GABRG2: variants seen among roughly 807,000 people sequenced by gnomAD.
The protein encoded by GABRG2 is gamma-aminobutyric acid type A receptor subunit gamma2.
GABRG2 carries 16 observed loss-of-function variants against 56.4 expected under a neutral mutation model. That is an observed-to-expected ratio of 0.28 (90% confidence interval 0.19 to 0.43). GABRG2 has a LOEUF of 0.43. Among genes scored for constraint, GABRG2 ranks in the 20% least tolerant of loss-of-function variants. The probability of loss-of-function intolerance (pLI) is 1.00; values close to 1 mark genes in which losing one functional copy is unlikely to be tolerated. For missense variants in GABRG2, 327 were observed against 582.7 expected (o/e 0.56, Z 4.52); for synonymous variants, 208 against 205.5 (o/e 1.01, Z -0.10).
At chr5:162,130,123 T>A (rs1763630842) in intron 6 of GABRG2, among the ~76,000 whole-genome samples, 1 of 151,958 alleles carries the variant, frequency 6.6e-6, no homozygotes, top group African/African-American at 2.4e-5. Context: ...AAATATATAT[T>A]GGCAATGATT....
chr5:162,068,149 G>C, intron 1 of GABRG2, 43 bp downstream of exon 1: 3 of 1,401,758 alleles, frequency 2.1e-6, no homozygotes, highest in South Asian at 1.2e-5. Flanking sequence ...CTGAAGAGGT[G>C]GGGGGAAGGT....
chr5:162,144,699 A>G (rs1443557989), intron 7 of GABRG2, among the ~76,000 whole-genome samples: 1 of 152,118 alleles, frequency 6.6e-6, no homozygotes, highest in African/African-American at 2.4e-5. Context: ...GAGGTAGTAG[A>G]TCTGCACCTC....
intron 7 of GABRG2, among the ~76,000 whole-genome samples, chr5:162,148,667 T>C (rs918715067): frequency 1.3e-5 from 2 of 152,176 alleles, no homozygotes; most frequent in African/African-American, 4.8e-5. Context: ...CTCAGAACCC[T>C]CCCTTAATTT....
At chr5:162,127,017 T>G (rs1003092319) in intron 6 of GABRG2, among the ~76,000 whole-genome samples, 1 of 151,932 alleles carries the variant, frequency 6.6e-6, no homozygotes, top group African/African-American at 2.4e-5. Flanking sequence ...CAGAGGTAAT[T>G]TCCAGGCACC....
At chr5:162,124,321 C>T (rs2113500449) in intron 6 of GABRG2, among the ~76,000 whole-genome samples, 1 of 151,838 alleles carries the variant, frequency 6.6e-6, no homozygotes, top group South Asian at 2.1e-4. Context: ...GTGACCAAAG[C>T]ATCATCTTTT....
At chr5:162,072,561 C>A (rs531285288) in intron 1 of GABRG2, among the ~76,000 whole-genome samples, 1 of 152,140 alleles carries the variant, frequency 6.6e-6, no homozygotes, top group South Asian at 2.1e-4. Context: ...GAAGACAATG[C>A]GTCTTTCTGC....
intron 1 of GABRG2, among the ~76,000 whole-genome samples, chr5:162,079,889 C>T (rs1581309607): frequency 2.0e-5 from 3 of 152,230 alleles, no homozygotes; most frequent in East Asian, 3.9e-4. Context: ...AAGCAATTCT[C>T]CCACCTCAGC....
intron 4 of GABRG2, chr5:162,100,529 T>A (rs1174011644): frequency 6.6e-6 from 1 of 152,170 alleles, no homozygotes; most frequent in Admixed American, 6.5e-5. Flanking sequence ...GACTTGAGAC[T>A]GAGAAAATCT....
chr5:162,131,329 G>C (rs1009283687), intron 6 of GABRG2, among the ~76,000 whole-genome samples: 1 of 152,010 alleles, frequency 6.6e-6, no homozygotes, highest in Non-Finnish European at 1.5e-5. Context: ...GCTAATGTGC[G>C]TGGTGAACCT....
At chr5:162,114,267 T>G (rs1348897686) in intron 6 of GABRG2, among the ~76,000 whole-genome samples, 1 of 152,144 alleles carries the variant, frequency 6.6e-6, no homozygotes, top group Non-Finnish European at 1.5e-5. Context: ...TTCCTATTTT[T>G]GGAGTTATGT....
chr5:162,077,559 A>G (rs549360364), intron 1 of GABRG2, among the ~76,000 whole-genome samples: 5 of 152,330 alleles, frequency 3.3e-5, no homozygotes, highest in East Asian at 3.9e-4. Context: ...CACTATTTCA[A>G]TGTATGACAG....
chr5:162,106,007 G>A (rs766230879), intron 6 of GABRG2, among the ~76,000 whole-genome samples: 36 of 151,914 alleles, frequency 2.4e-4, no homozygotes, highest in Non-Finnish European at 4.4e-4. Flanking sequence ...GCCCAAGAGT[G>A]GTATGAAGAA....
intron 6 of GABRG2, among the ~76,000 whole-genome samples, chr5:162,115,565 G>C (rs1762557981): frequency 6.6e-6 from 1 of 152,028 alleles, no homozygotes; most frequent in African/African-American, 2.4e-5. Context: ...GCCATGAGTG[G>C]GAGGAGCAAG....
At chr5:162,095,867 A>C (rs999754540) in intron 3 of GABRG2, among the ~76,000 whole-genome samples, 17 of 152,058 alleles carry the variant, frequency 1.1e-4, no homozygotes, top group Non-Finnish European at 2.5e-4. Flanking sequence ...ATAGTACTCA[A>C]CTACTTATTA....
intron 5 of GABRG2, 140 bp downstream of exon 5, chr5:162,101,457 C>G: frequency 7.0e-6 from 5 of 718,542 alleles, no homozygotes; most frequent in Admixed American, 4.0e-5. Context: ...TTGACCATCT[C>G]TTTCATCTTA....
chr5:162,138,811 C>G (rs1256686610), intron 6 of GABRG2, among the ~76,000 whole-genome samples: 2 of 152,102 alleles, frequency 1.3e-5, no homozygotes, highest in Non-Finnish European at 2.9e-5. Context: ...AGCCCAGTGT[C>G]TACACATAGT....
intron 6 of GABRG2, among the ~76,000 whole-genome samples, chr5:162,108,825 C>A (rs1043381509): frequency 2.0e-5 from 3 of 152,094 alleles, no homozygotes; most frequent in Non-Finnish European, 4.4e-5. Context: ...CCATTAACTC[C>A]TCCAAGAGCA....
intron 1 of GABRG2, among the ~76,000 whole-genome samples, chr5:162,074,539 A>G (rs1758934507): frequency 6.6e-6 from 1 of 152,072 alleles, no homozygotes; most frequent in African/African-American, 2.4e-5. Context: ...AACTTACTGT[A>G]TATTTATATA....
chr5:162,117,815 G>A (rs1259493077), intron 6 of GABRG2, among the ~76,000 whole-genome samples: 1 of 151,970 alleles, frequency 6.6e-6, no homozygotes, highest in Non-Finnish European at 1.5e-5. Flanking sequence ...TAGATATTTT[G>A]GTCCTAAAAA....
Sources: gnomAD v4.1 joint callset for allele counts (sites outside exome capture counted in the v4.1 genomes callset) on GRCh38, gnomAD v4.1.1 for gene constraint, MANE v1.5 for transcripts, NCBI Gene and HGNC (gene_info 2026-07-23, HGNC 2026-07-21) for gene names.